The following KLRD1 variants were observed in gnomAD, a reference collection of about 807,000 sequenced individuals.
KLRD1 encodes the protein killer cell lectin like receptor D1.
KLRD1 carries 21 observed loss-of-function variants against 22.6 expected under a neutral mutation model. The ratio of observed to expected loss-of-function variants is 0.93; its 90% confidence interval spans 0.66 to 1.34. The LOEUF (loss-of-function observed/expected upper bound fraction) is 1.34. Among genes scored for constraint, KLRD1 ranks in the 40% most tolerant of loss-of-function variants. The pLI is 0.00. For missense variants in KLRD1, 183 were observed against 208.6 expected (o/e 0.88, Z 0.76); for synonymous variants, 59 against 71.1 (o/e 0.83, Z 0.85).
At position 10,266,210 on chromosome 12, in the gene KLRD1, A is replaced by C. The variant is rs564079119; in HGVS notation, c.-101+39977A>C. ...CATGTGTATGTGTTTGTATGTGTACATACATACTTGTTTCTTATTTTTAAA... is the reference window on the plus strand; with the variant it reads ...CATGTGTATGTGTTTGTATGTGTACCTACATACTTGTTTCTTATTTTTAAA... On this transcript the variant is annotated intron_variant, in intron 1 of 5. Coordinates refer to the KLRD1 transcript ENST00000544747. Among the ~76,000 whole-genome samples the C allele has an allele frequency of 7.9e-5, 12 of 152,310 alleles. No individual in the cohort carries two copies. The South Asian group carries it at 2.3e-3, about 29-fold the overall frequency.
upstream of KLRD1, among the ~76,000 whole-genome samples, chr12:10,303,073 G>C (rs2137678846): frequency 6.6e-6 from 1 of 152,268 alleles, no homozygotes; most frequent in Middle Eastern, 3.4e-3. Context: ...TAATGATCAA[G>C]TCAGCTTGGA....
chr12:10,309,210 T>C, intron 1 of KLRD1, 178 bp from the exon 2 acceptor site: 1 of 511,888 alleles, frequency 2.0e-6, no homozygotes, highest in Non-Finnish European at 3.5e-6. Context: ...ATACATCACA[T>C]AAAAATGTTG....
intron 1 of KLRD1, among the ~76,000 whole-genome samples, chr12:10,269,132 T>A (rs1004083979): frequency 6.6e-6 from 1 of 152,024 alleles, no homozygotes; most frequent in African/African-American, 2.4e-5. Flanking sequence ...GTTATTAAGA[T>A]ATATTTGAGT....
At position 10,311,569 on chromosome 12, in the gene KLRD1, C is replaced by T. The variant is rs1333535878; in HGVS notation, c.269C>T (p.Ala90Val). Residue 90 changes from alanine (A) to valine (V), a missense_variant, in exon 4 of 6, where the codon GCT (alanine) becomes GTT (valine). Physicochemically the swap from Ala to Val is moderately conservative, Grantham distance 64 (BLOSUM62 0). Transcript: ENST00000336164. ...KTWNESRHLC[A>V]SQKSSLLQLQ... ...TGGAACGAAAGTCGGCATCTCTGTGCTTCTCAGAAATCCAGCCTGCTTCAG... is the reference window on the plus strand; with the variant it reads ...TGGAACGAAAGTCGGCATCTCTGTGTTTCTCAGAAATCCAGCCTGCTTCAG... The T allele has an allele frequency of 4.3e-6, 7 of 1,614,120 alleles. No individual in the cohort carries two copies. The highest frequency in any genetic ancestry group is 1.1e-5 in the South Asian group (1 of 91,082).
intron 1 of KLRD1, among the ~76,000 whole-genome samples, chr12:10,292,824 A>G (rs1307838845): frequency 6.6e-6 from 1 of 152,090 alleles, no homozygotes; most frequent in Non-Finnish European, 1.5e-5. Flanking sequence ...AAAGTCCTAG[A>G]TGGCTTTTCC....
chr12:10,311,078 T>G (rs541121510), intron 3 of KLRD1, among the ~76,000 whole-genome samples: 61 of 152,328 alleles, frequency 4.0e-4, no homozygotes, highest in African/African-American at 1.4e-3. Flanking sequence ...TTTCATCTAG[T>G]TAACTCCTAT....
At chr12:10,298,882 G>A (rs1358214594) in intron 1 of KLRD1, among the ~76,000 whole-genome samples, 2 of 152,178 alleles carry the variant, frequency 1.3e-5, no homozygotes, top group African/African-American at 4.8e-5. Flanking sequence ...TCTGAAGGCT[G>A]TGAGACCCCA....
Position 10,309,470 on chromosome 12 carries a change from G to A in KLRD1, c.90G>A (p.Leu30=), listed in dbSNP as rs763119691. 1.9e-5 allele frequency: 28 copies of A among 1,506,426 alleles called. No homozygotes were observed. The highest frequency in any genetic ancestry group is 2.6e-5 in the Non-Finnish European group (28 of 1,081,806). 93.3% of individuals were successfully genotyped at this position (1,506,426 alleles called of 1,614,324 possible). The change falls in exon 2 of 6, where the codon TTG becomes TTA. Residue 30 remains leucine, a synonymous_variant. Transcript: ENST00000336164. ...CLSLMSTLGI[L]LKNSFTKLSI... ...CGTTGATGTCTACGTTGGGAATTTTGTTGAAAAATTGTAAGTTTTTCTAAG... is the reference window on the plus strand; with the variant it reads ...CGTTGATGTCTACGTTGGGAATTTTATTGAAAAATTGTAAGTTTTTCTAAG...
chr12:10,315,228 C>G lies in KLRD1; in HGVS notation c.*435C>G, dbSNP rs1394005512. 7.1e-6 allele frequency: 3 copies of G among 423,426 alleles called. No homozygotes were observed. The highest frequency in any genetic ancestry group is 1.4e-5 in the Non-Finnish European group (3 of 212,298). The allele number at this position is 423,426 out of a possible 1,614,324, so 26.2% of individuals were successfully genotyped here. The stretch of plus-strand genomic sequence containing the variant: ...GCTCATTGCAAGCTCAAGTGATCCT[C>G]CTGACTCAGCCTCCCAAGTAGCTAG... On this transcript the variant is annotated 3_prime_UTR_variant, in exon 6 of 6. Transcript: ENST00000336164.
rs1950007142 is a variant in KLRD1, at chr12:10,309,570, T to A, written c.101-56T>A. ...GCTTCATCTTGCTAATGTGTAATAT[T>A]TTAGTATTTCATAAACCCATACCTA... is the stretch of plus-strand genomic sequence containing the variant. On this transcript the variant is annotated intron_variant, in intron 2 of 5. Transcript: ENST00000336164. 5 of 1,363,610 alleles carry A rather than the reference T, an allele frequency of 3.7e-6. No homozygotes were observed. In the Admixed American group the frequency reaches 8.5e-5, roughly 23 times the overall value. The allele number at this position is 1,363,610 out of a possible 1,614,324, so 84.5% of individuals were successfully genotyped here.
In KLRD1 at chr12:10,319,370, G is replaced by C. The variant is rs967370216; in HGVS notation, c.*4577G>C. 2 of 152,180 alleles carry C rather than the reference G, an allele frequency of 1.3e-5. No homozygotes were observed. The highest frequency in any genetic ancestry group is 4.8e-5 in the African/African-American group (2 of 41,440). 9.4% of individuals were successfully genotyped at this position (152,180 alleles called of 1,614,324 possible). Reference sequence around the variant, plus strand: ...TAAAGGGTGACAATCTACAAATTATGTGTTATAGACAAGTTGCAAGATGTT... The same window carrying C: ...TAAAGGGTGACAATCTACAAATTATCTGTTATAGACAAGTTGCAAGATGTT... On this transcript the variant is annotated 3_prime_UTR_variant, in exon 6 of 6. Coordinates refer to ENST00000336164, the MANE Select transcript of KLRD1 (RefSeq NM_002262.5).
intron 1 of KLRD1, among the ~76,000 whole-genome samples, chr12:10,242,659 C>T (rs1238930368): frequency 1.3e-5 from 2 of 152,168 alleles, no homozygotes; most frequent in Non-Finnish European, 2.9e-5. Context: ...ACTGCAACCA[C>T]AATGTGTAAA....
At chr12:10,258,154 A>G (rs1949417201) in intron 1 of KLRD1, among the ~76,000 whole-genome samples, 1 of 152,102 alleles carries the variant, frequency 6.6e-6, no homozygotes, top group Admixed American at 6.5e-5. Flanking sequence ...GTTTTTCCTT[A>G]CTTACCCCAA....
intron 1 of KLRD1, among the ~76,000 whole-genome samples, chr12:10,296,249 G>C (rs1949820177): frequency 6.6e-6 from 1 of 152,150 alleles, no homozygotes; most frequent in Admixed American, 6.5e-5. Flanking sequence ...GGGCACAGTG[G>C]CTCATGCCTG....
At chr12:10,305,501 T>G (rs1949908602), upstream of KLRD1, among the ~76,000 whole-genome samples, 1 of 151,840 alleles carries the variant, frequency 6.6e-6, no homozygotes, top group Non-Finnish European at 1.5e-5. Context: ...CTAGAGGAGG[T>G]GACTGGAACA....
At position 10,246,479 on chromosome 12, in the gene KLRD1, A is replaced by G. The variant is rs146539885; in HGVS notation, c.-101+20246A>G. On this transcript the variant is annotated intron_variant, in intron 1 of 5. Transcript: ENST00000544747. The stretch of plus-strand genomic sequence containing the variant: ...CAGAATTATCCTCTTGCTTCAACAC[A>G]GTGACTGCTTCACAAGATAGGGTAG... Among the ~76,000 whole-genome samples the G allele has an allele frequency of 3.5e-3, 527 of 152,306 alleles. 5 individuals carry two copies. The highest frequency in any genetic ancestry group is 0.012 in the African/African-American group (504 of 41,546).
chr12:10,262,460 A>G (rs920468598), intron 1 of KLRD1, among the ~76,000 whole-genome samples: 3 of 152,100 alleles, frequency 2.0e-5, no homozygotes, highest in African/African-American at 7.2e-5. Context: ...GTCCTGATAT[A>G]CGAGAGTTTT....
chr12:10,284,647 T>C (rs1949682648), intron 1 of KLRD1, among the ~76,000 whole-genome samples: 1 of 152,204 alleles, frequency 6.6e-6, no homozygotes, highest in Non-Finnish European at 1.5e-5. Context: ...TAAAAACTAA[T>C]AAATTTTAAA....
intron 1 of KLRD1, among the ~76,000 whole-genome samples, chr12:10,286,263 A>G (rs1949701779): frequency 6.6e-6 from 1 of 152,172 alleles, no homozygotes; most frequent in African/African-American, 2.4e-5. Flanking sequence ...ATTTCCGTGA[A>G]AGCTTAAAGT....
Sources: allele counts gnomAD v4.1 joint callset (sites outside exome capture counted in the v4.1 genomes callset), GRCh38; gene constraint gnomAD v4.1.1; transcripts MANE v1.5; gene names NCBI Gene and HGNC (gene_info 2026-07-23, HGNC 2026-07-21).